Variants in XRRA1 observed in about 807,000 individuals in gnomAD.
XRRA1 encodes X-ray radiation resistance-associated protein 1.
XRRA1 carries 69 observed loss-of-function variants against 80.2 expected under a neutral mutation model. That is an observed-to-expected ratio of 0.86 (90% CI 0.71 to 1.05). The LOEUF is 1.05. Among genes scored for constraint, XRRA1 ranks in the 50% least tolerant of loss-of-function variants. XRRA1 has a pLI of 0.00. For missense variants in XRRA1, 967 were observed against 976.4 expected (o/e 0.99, Z 0.13); for synonymous variants, 348 against 389.9 (o/e 0.89, Z 1.27).
chr11:74,905,363 G>A (rs2054361580), intron 10 of XRRA1, among the ~76,000 whole-genome samples: 1 of 152,136 alleles, frequency 6.6e-6, no homozygotes, highest in East Asian at 1.9e-4. Flanking sequence ...CCAGTTATTA[G>A]TATTATTTTT....
intron 10 of XRRA1, among the ~76,000 whole-genome samples, chr11:74,893,061 T>C (rs2051217791): frequency 6.6e-6 from 1 of 152,212 alleles, no homozygotes; most frequent in Admixed American, 6.5e-5. Context: ...ACTGGGTATA[T>C]ACCCAAAGGA....
chr11:74,915,056 A>G (rs1565395415), intron 8 of XRRA1, among the ~76,000 whole-genome samples: 1 of 152,196 alleles, frequency 6.6e-6, no homozygotes, highest in African/African-American at 2.4e-5. Context: ...TACCTTCTCA[A>G]AGTCAACTAT....
At chr11:74,923,608 A>G (rs1941475965) in intron 7 of XRRA1, among the ~76,000 whole-genome samples, 1 of 152,196 alleles carries the variant, frequency 6.6e-6, no homozygotes, top group Admixed American at 6.5e-5. Context: ...TTCTGACCCT[A>G]CCACTTAGCT....
chr11:74,901,660 C>T (rs191871470), intron 10 of XRRA1, among the ~76,000 whole-genome samples: 14 of 152,196 alleles, frequency 9.2e-5, no homozygotes, highest in South Asian at 2.1e-4. Flanking sequence ...AACCGATTTT[C>T]GACAAGGGTG....
At chr11:74,853,604 G>A (rs1275971363) in intron 12 of XRRA1, among the ~76,000 whole-genome samples, 1 of 152,326 alleles carries the variant, frequency 6.6e-6, no homozygotes, top group Middle Eastern at 3.4e-3. Flanking sequence ...CTGGGTCTCT[G>A]AATGATCATG....
chr11:74,880,377 G>A (rs1166281125), intron 10 of XRRA1, among the ~76,000 whole-genome samples: 1,763 of 151,586 alleles, frequency 0.012, 46 homozygotes, highest in African/African-American at 0.04. Flanking sequence ...TCTTGCTAGC[G>A]GTCTATCAAT....
rs529336850 is a variant in XRRA1, at chr11:74,869,804, G to A, written c.1004-6783C>T. ...TCATCAGGCACCTATAAGAGCCCCT[G>A]CATTTAACCACAGATCTGACAAGCC... is the stretch of plus-strand genomic sequence containing the variant. On this transcript the variant is annotated intron_variant, in intron 10 of 18. Transcript: ENST00000684022. 3.1e-4 allele frequency among the ~76,000 whole-genome samples: 47 copies of A among 152,266 alleles called. No individual in the cohort carries two copies. The South Asian group carries it at 9.5e-3, about 31-fold the overall frequency.
chr11:74,848,445 T>C lies in XRRA1; in HGVS notation c.1398A>G (p.Pro466=). The C allele has an allele frequency of 6.2e-7, 1 of 1,609,112 alleles. No individual in the cohort carries two copies. Among genetic ancestry groups the C allele is most frequent in the East Asian group, 2.2e-5 (1 of 44,724 alleles). ...GCACCAGAGGCTGCTTCGGCACCTT[T>C]GGGATTTCGCTTTTCACCTGTCATG... ...KESWKVKSEI[P]KVPKQPLVLH... is the part of the protein sequence containing the mutation. Residue 466 remains proline, a synonymous_variant, in exon 15 of 19, where the codon CCA becomes CCG. Transcript: ENST00000684022.
At position 74,938,859 on chromosome 11, in the gene XRRA1, G is replaced by GA. The variant is rs546273224; in HGVS notation, c.95-1792dup. Among the ~76,000 whole-genome samples, 707 of 149,214 alleles carry GA rather than the reference G, an allele frequency of 4.7e-3. 12 individuals are homozygous for GA. Among genetic ancestry groups the GA allele is most frequent in the Non-Finnish European group, 3.5e-3 (232 of 67,092 alleles). ...CACAATCACACAAAGTCAATTCCTT[G>GA]AAAAAAAAAATCTGTCTACCCACCT... On this transcript the variant is annotated intron_variant, in intron 3 of 18. Transcript: ENST00000684022.
At chr11:74,916,125 T>C (rs760188622) in intron 8 of XRRA1, among the ~76,000 whole-genome samples, 2 of 152,236 alleles carry the variant, frequency 1.3e-5, no homozygotes, top group Non-Finnish European at 1.5e-5. Flanking sequence ...AGTCTGATTA[T>C]AATATGACTC....
rs1464284378 is a variant in XRRA1 at position 74,843,248 on chromosome 11, G to T, written c.2355C>A (p.Phe785Leu). The T allele has an allele frequency of 1.3e-6, 2 of 1,565,944 alleles. No homozygotes were observed. The highest frequency in any genetic ancestry group is 1.2e-5 in the South Asian group (1 of 84,920). The change falls in exon 19 of 19, where the codon TTC (phenylalanine) becomes TTA (leucine). Residue 785 changes from phenylalanine to leucine, a missense_variant. Phe to Leu is a conservative substitution (Grantham distance 22). Transcript: ENST00000684022. ...SQPKFGHFLEFMDEFCQEPTA... is the reference protein window; with the variant it reads ...SQPKFGHFLELMDEFCQEPTA... Reference sequence around the variant, plus strand: ...TGGGCTCCTGGCAGAACTCATCCATGAACTCGAGGAAGTGGCCGAACTTGG... The same window carrying T: ...TGGGCTCCTGGCAGAACTCATCCATTAACTCGAGGAAGTGGCCGAACTTGG...
intron 10 of XRRA1, among the ~76,000 whole-genome samples, chr11:74,891,617 C>T (rs559802778): frequency 2.6e-5 from 4 of 152,224 alleles, no homozygotes; most frequent in African/African-American, 9.6e-5. Context: ...TCAAATTGTC[C>T]CTGTTTGCAG....
chr11:74,909,202 C>T (rs1271154789), intron 8 of XRRA1, among the ~76,000 whole-genome samples: 1 of 152,160 alleles, frequency 6.6e-6, no homozygotes, highest in Non-Finnish European at 1.5e-5. Flanking sequence ...AGAGAACAGG[C>T]TTGAAGTCCA....
chr11:74,881,684 C>G (rs1411331233), intron 10 of XRRA1, among the ~76,000 whole-genome samples: 2 of 152,078 alleles, frequency 1.3e-5, no homozygotes, highest in Non-Finnish European at 2.9e-5. Context: ...CCTTCAGGAG[C>G]TCTTGTAAGG....
intron 12 of XRRA1, among the ~76,000 whole-genome samples, chr11:74,856,499 C>G (rs1488186786): frequency 6.6e-6 from 1 of 152,226 alleles, no homozygotes; most frequent in Non-Finnish European, 1.5e-5. Context: ...TAAGGAAATA[C>G]TGGCACCTCC....
intron 14 of XRRA1, among the ~76,000 whole-genome samples, chr11:74,849,381 A>T (rs1054729982): frequency 6.6e-6 from 1 of 152,202 alleles, no homozygotes; most frequent in Non-Finnish European, 1.5e-5. Context: ...AAGGAGGGCG[A>T]AGGATGACTT....
chr11:74,895,097 A>G (rs944733886), intron 10 of XRRA1, among the ~76,000 whole-genome samples: 1 of 152,222 alleles, frequency 6.6e-6, no homozygotes. Context: ...TCACAAGAAC[A>G]AAAACGCAGG....
intron 10 of XRRA1, among the ~76,000 whole-genome samples, chr11:74,895,577 A>G (rs633824): frequency 0.81 from 123,383 of 152,158 alleles, 50,184 homozygotes; most frequent in African/African-American, 0.85. Flanking sequence ...CATGACCTAG[A>G]GAGACACCAG....
In XRRA1 at chr11:74,843,857, G is replaced by C. The variant is rs748045561; in HGVS notation, c.2146C>G (p.Leu716Val). 1 of 1,608,290 alleles carries C rather than the reference G, an allele frequency of 6.2e-7. No homozygotes were observed. The highest frequency in any genetic ancestry group is 8.5e-7 in the Non-Finnish European group (1 of 1,177,274). ...GGCAGCTGTGGCAGAGCCGTACCTA[G>C]TGGAGCCTCTGTAATGTTCCGGGGA... The part of the protein sequence containing the change: ...RDPRNITEAP[L>V]GAVLHQWTER... The change falls in exon 18 of 19, where the codon CTA becomes GTA. Residue 716 changes from leucine to valine, a missense_variant. By Grantham distance (32) the Leu-to-Val change is conservative (BLOSUM62 1). Transcript: ENST00000684022.
Sources: gnomAD v4.1 joint callset for allele counts (sites outside exome capture counted in the v4.1 genomes callset) on GRCh38, gnomAD v4.1.1 for gene constraint, MANE v1.5 for transcripts, NCBI Gene and HGNC (gene_info 2026-07-23, HGNC 2026-07-21) for gene names.